ITGA5: variants seen among roughly 807,000 people sequenced by gnomAD.
ITGA5 encodes integrin subunit alpha 5.
Under a neutral mutation model 146.3 loss-of-function variants are expected in ITGA5, and 55 were observed. The observed-to-expected ratio is 0.38, with a 90% CI of 0.30 to 0.47. ITGA5 has a LOEUF of 0.47. Among genes scored for constraint, ITGA5 ranks in the 20% least tolerant of loss-of-function variants. ITGA5 has a pLI of 0.99. For missense variants in ITGA5, 1,131 were observed against 1,329.0 expected, an observed-to-expected ratio of 0.85 and a Z score of 2.32; for synonymous variants, 500 against 531.8, an observed-to-expected ratio of 0.94 and a Z score of 0.82.
At chr12:54,405,471 C>T (rs1176799337) in intron 11 of ITGA5, 97 bp from the exon 12 acceptor site, 40 of 1,113,666 alleles carry the variant, frequency 3.6e-5, no homozygotes, top group Non-Finnish European at 4.9e-5. Context: ...AATTCCATCA[C>T]GTCAGAAGAC....
chr12:54,418,432 G>C (rs1002780355), intron 1 of ITGA5, among the ~76,000 whole-genome samples: 25 of 152,014 alleles, frequency 1.6e-4, no homozygotes, highest in African/African-American at 6.0e-4. Context: ...TGAGTTGAGG[G>C]GGGAGGGGAG....
rs182686833 is a variant in ITGA5 at position 54,395,978 on chromosome 12, T to C, written c.*315A>G. Reference sequence around the variant, plus strand: ...GAACTGTGAATGGATTTCCTAGTTATCTTTCCAAGTTGTTTCAGGAAACTC... The same window carrying C: ...GAACTGTGAATGGATTTCCTAGTTACCTTTCCAAGTTGTTTCAGGAAACTC... On this transcript the variant is annotated 3_prime_UTR_variant, in exon 30 of 30. Coordinates refer to ENST00000293379, the MANE Select transcript of ITGA5 (RefSeq NM_002205.5). 74 of 265,632 alleles carry C rather than the reference T, an allele frequency of 2.8e-4. No individual in the cohort carries two copies. In the Middle Eastern group the frequency reaches 3.6e-3, roughly 13 times the overall value. The allele number at this position is 265,632 out of a possible 1,614,324, so 16.5% of individuals were successfully genotyped here. A position where few individuals can be genotyped will look rare whatever the true frequency, so the allele number is the denominator to read the frequency against.
At chr12:54,407,256 TTGAA>T (rs1158132248) in intron 9 of ITGA5, 1 of 223,010 alleles carries the variant, frequency 4.5e-6, no homozygotes, top group Admixed American at 5.0e-5. Context: ...ATGTTGTTAA[TTGAA>T]TGAAATCCGA....
In ITGA5 at chr12:54,402,253, C is replaced by T; in HGVS notation, c.2060G>A (p.Gly687Asp). The T allele has an allele frequency of 3.1e-6, 5 of 1,614,156 alleles. No homozygotes were observed. The highest frequency in any genetic ancestry group is 4.2e-6 in the Non-Finnish European group (5 of 1,180,012). ...TFHAQNVGEG[G>D]AYEAELRVTA... Reference sequence around the variant, plus strand: ...GACCCGAAGCTCAGCCTCATAGGCGCCACCCTCACCCACATTCTGGGCATG... The same window carrying T: ...GACCCGAAGCTCAGCCTCATAGGCGTCACCCTCACCCACATTCTGGGCATG... Residue 687 changes from glycine to aspartate, a missense_variant, in exon 20 of 30, where the codon GGC becomes GAC. Transcript: ENST00000293379.
intron 1 of ITGA5, among the ~76,000 whole-genome samples, chr12:54,417,330 G>A (rs1045339526): frequency 5.3e-5 from 8 of 151,946 alleles, no homozygotes; most frequent in Admixed American, 1.3e-4. Context: ...TCTGATCTGC[G>A]GGAGGAGACC....
At chr12:54,412,768 G>A (rs1316614490) in intron 1 of ITGA5, among the ~76,000 whole-genome samples, 1 of 152,202 alleles carries the variant, frequency 6.6e-6, no homozygotes, top group African/African-American at 2.4e-5. Context: ...AAGGGCCTGG[G>A]CAGTCCTCCT....
intron 2 of ITGA5, among the ~76,000 whole-genome samples, chr12:54,410,347 CTTTT>C (rs68135389): frequency 7.5e-6 from 1 of 133,024 alleles, no homozygotes; most frequent in Non-Finnish European, 1.6e-5. Flanking sequence ...GTTCCACCTC[CTTTT>C]TTTTTTTTTT....
At chr12:54,405,846 G>A in intron 10 of ITGA5, 24 bp downstream of exon 10, 1 of 1,611,646 alleles carries the variant, frequency 6.2e-7, no homozygotes, top group South Asian at 1.1e-5. Context: ...GCCAAGCTGG[G>A]GTGGGGTTGA....
chr12:54,419,193 C>T lies in ITGA5; in HGVS notation c.6G>A (p.Gly2=). The T allele has an allele frequency of 1.9e-6, 3 of 1,556,674 alleles. No homozygotes were observed. The highest frequency in any genetic ancestry group is 1.2e-5 in the South Asian group (1 of 85,792). Residue 2 remains glycine (G), a synonymous_variant, in exon 1 of 30, where the codon GGG becomes GGA. Coordinates refer to ENST00000293379, the MANE Select transcript of ITGA5 (RefSeq NM_002205.5). ...GGAGAGGGGACTCTGGCGTCCGGCT[C>T]CCCATAGCGCCCGCTCTTCCCTGTC... M[G]SRTPESPLHA... is the part of the protein sequence containing the mutation.
chr12:54,396,773 T>C (rs1955715900), intron 29 of ITGA5, among the ~76,000 whole-genome samples: 1 of 152,180 alleles, frequency 6.6e-6, no homozygotes, highest in South Asian at 2.1e-4. Context: ...AGCCTCAAAC[T>C]CCTGGGCTCA....
chr12:54,413,939 T>A (rs1052361127), intron 1 of ITGA5, among the ~76,000 whole-genome samples: 17 of 152,198 alleles, frequency 1.1e-4, no homozygotes, highest in African/African-American at 4.1e-4. Flanking sequence ...CCACTGCTCT[T>A]GGAGAGGAGC....
chr12:54,409,834 G>A lies in ITGA5; in HGVS notation c.350-237C>T, dbSNP rs1273508910. On this transcript the variant is annotated intron_variant, in intron 2 of 29. Coordinates refer to ENST00000293379, the MANE Select transcript of ITGA5 (RefSeq NM_002205.5). This position sits in a 1 kb window ranked among gnomAD's most constrained non-coding sequence, Gnocchi z 4.7. ...TACACACACACACATACATACACACGCACGCACACGCACACAGAACCTGGG... is the reference window on the plus strand; with the variant it reads ...TACACACACACACATACATACACACACACGCACACGCACACAGAACCTGGG... The A allele has an allele frequency of 3.1e-5, 13 of 414,324 alleles. No homozygotes were observed. The highest frequency in any genetic ancestry group is 5.2e-5 in the Non-Finnish European group (12 of 229,646). 25.7% of individuals were successfully genotyped at this position (414,324 alleles called of 1,614,324 possible).
Position 54,405,318 on chromosome 12 carries a change from C to G in ITGA5, c.1073G>C (p.Arg358Pro). 1 of 1,613,012 alleles carries G rather than the reference C, an allele frequency of 6.2e-7. No homozygotes were observed. The highest frequency in any genetic ancestry group is 1.3e-5 in the African/African-American group (1 of 75,024). ...GTAGACCCTGCCCACCTCCTGAGGC[C>G]GCCCGTCAGGGGTCCGATCCATGAG... ...PLLMDRTPDG[R>P]PQEVGRVYVY... Residue 358 changes from arginine to proline, a missense_variant, in exon 12 of 30, where the codon CGG becomes CCG. This residue lies in a region of ITGA5 where 889 missense variants were observed against 1,021.5 expected (regional missense o/e 0.87). Coordinates refer to ENST00000293379, the MANE Select transcript of ITGA5 (RefSeq NM_002205.5).
chr12:54,404,767 G>T lies in ITGA5; in HGVS notation c.1353C>A (p.His451Gln). Residue 451 changes from histidine to glutamine, a missense_variant, in exon 13 of 30, where the codon CAC becomes CAA. By Grantham distance (24) the His-to-Gln change is conservative (BLOSUM62 0). Around this residue, in one of 3 missense-constraint regions of ITGA5, gnomAD observed 889 missense variants for 1,021.5 expected, o/e 0.87. Coordinates refer to ENST00000293379, the MANE Select transcript of ITGA5 (RefSeq NM_002205.5). Reference protein sequence around the residue: ...QVLQPLWAASHTPDFFGSALR... With the variant: ...QVLQPLWAASQTPDFFGSALR... ...GGGCAGAGCCAAAGAAGTCTGGGGTGTGGCTGGCTGCCCACAGGGGCTGCA... is the reference window on the plus strand; with the variant it reads ...GGGCAGAGCCAAAGAAGTCTGGGGTTTGGCTGGCTGCCCACAGGGGCTGCA... The T allele has an allele frequency of 8.7e-6, 14 of 1,614,136 alleles. No individual in the cohort carries two copies. Among genetic ancestry groups the T allele is most frequent in the African/African-American group, 1.3e-5 (1 of 75,052 alleles).
rs1255168838 is a variant in ITGA5, at chr12:54,401,351, GC to G, written c.2493+21del. The G allele has an allele frequency of 2.6e-6, 4 of 1,511,910 alleles. No individual in the cohort carries two copies. In the African/African-American group the frequency reaches 5.5e-5, roughly 21 times the overall value. 93.7% of individuals were successfully genotyped at this position (1,511,910 alleles called of 1,614,324 possible). ...TCCTCCTTTCCCATCATTCATTCTG[GC>G]CCTGCCCCTTCCCCCCTTACCTCAT... On this transcript the variant is annotated intron_variant, in intron 24 of 29. Coordinates refer to ENST00000293379, the MANE Select transcript of ITGA5 (RefSeq NM_002205.5). The surrounding 1 kb of genome is among the most constrained non-coding windows in gnomAD (Gnocchi z 5.0).
intron 1 of ITGA5, among the ~76,000 whole-genome samples, chr12:54,418,104 G>A (rs11170896): frequency 6.6e-6 from 1 of 151,640 alleles, no homozygotes; most frequent in Non-Finnish European, 1.5e-5. Context: ...TCCGACCCCA[G>A]CCCCAGAAGT....
Position 54,396,290 on chromosome 12 carries a change from G to A in ITGA5, c.*3C>T. On this transcript the variant is annotated 3_prime_UTR_variant, in exon 30 of 30. Transcript: ENST00000293379. The stretch of plus-strand genomic sequence containing the variant: ...AGGAATGGGAGTCTGAAATTGGGAG[G>A]ACTCAGGCATCAGAGGTGGCTGGAG... The A allele has an allele frequency of 6.2e-7, 1 of 1,609,790 alleles. No homozygotes were observed. The highest frequency in any genetic ancestry group is 2.2e-5 in the East Asian group (1 of 44,856).
chr12:54,418,977 T>C lies in ITGA5; in HGVS notation c.218+4A>G. ...CCATCCCGTCTCCAGCCCTCCTCAC[T>C]CACCCGTCTGTTCCCGGCCGGTAAA... On this transcript the variant is annotated splice_donor_region_variant and intron_variant, in intron 1 of 29. Transcript: ENST00000293379. 1 of 1,435,842 alleles carries C rather than the reference T, an allele frequency of 7.0e-7. No homozygotes were observed. Among genetic ancestry groups the C allele is most frequent in the Non-Finnish European group, 9.3e-7 (1 of 1,071,498 alleles). 88.9% of individuals were successfully genotyped at this position (1,435,842 alleles called of 1,614,324 possible).
chr12:54,397,299 A>G (rs1955723292), intron 29 of ITGA5, 66 bp downstream of exon 29: 1 of 1,589,832 alleles, frequency 6.3e-7, no homozygotes, highest in Admixed American at 1.7e-5. Context: ...GATACTTGGG[A>G]CTGTGCCAGG....
Sources: gnomAD v4.1 joint callset for allele counts (sites outside exome capture counted in the v4.1 genomes callset) on GRCh38, gnomAD v4.1.1 for gene constraint, gnomAD v4.1.1 regional missense constraint, Gnocchi (gnomAD v3.1) non-coding constraint, MANE v1.5 for transcripts, NCBI Gene and HGNC (gene_info 2026-07-23, HGNC 2026-07-21) for gene names.